Variants in C5orf22 observed in about 807,000 individuals in gnomAD.
C5orf22 encodes the protein chromosome 5 open reading frame 22.
In C5orf22, 36 loss-of-function variants were observed where a neutral mutation model predicts 48.7. That is an observed-to-expected ratio of 0.74 (90% CI 0.57 to 0.98). The LOEUF (loss-of-function observed/expected upper bound fraction) is 0.98. C5orf22 is among the 50% of genes least tolerant of loss of function. The pLI, the probability that C5orf22 is intolerant of heterozygous loss-of-function variation, is 0.00. For synonymous variants in C5orf22, 141 were observed against 180.8 expected (o/e 0.78, Z 1.76); for missense variants, 486 against 521.9 (o/e 0.93, Z 0.67).
intron 6 of C5orf22, among the ~76,000 whole-genome samples, chr5:31,542,835 C>T (rs967252487): frequency 7.9e-5 from 12 of 152,158 alleles, no homozygotes; most frequent in Non-Finnish European, 1.5e-4. Flanking sequence ...ACTAATCTCC[C>T]ACGAACTGTC....
intron 8 of C5orf22, among the ~76,000 whole-genome samples, chr5:31,552,468 T>C (rs1428901677): frequency 6.6e-6 from 1 of 152,138 alleles, no homozygotes; most frequent in Non-Finnish European, 1.5e-5. Flanking sequence ...AGGCAAACAA[T>C]GGTCTAGCAA....
intron 1 of C5orf22, among the ~76,000 whole-genome samples, chr5:31,534,061 G>C (rs1385464683): frequency 6.6e-6 from 1 of 152,340 alleles, no homozygotes; most frequent in East Asian, 1.9e-4. Flanking sequence ...AAGGCCGCTG[G>C]AGATGCAGGT....
chr5:31,534,535 C>T, intron 2 of C5orf22, 118 bp downstream of exon 2: 1 of 868,186 alleles, frequency 1.2e-6, no homozygotes. Flanking sequence ...TTTTGTTTGT[C>T]TTTTTGTCTT....
In C5orf22 at chr5:31,547,001, G is replaced by A. The variant is rs549621256; in HGVS notation, c.1059+1289G>A. On this transcript the variant is annotated intron_variant, in intron 7 of 8. Transcript: ENST00000325366. The stretch of plus-strand genomic sequence containing the variant: ...AAGTCCACAGTCCAACATCTCATCT[G>A]AGACAAGGCAAGTCCCTTCCACCTA... Among the ~76,000 whole-genome samples, 3 of 152,316 alleles carry A rather than the reference G, an allele frequency of 2.0e-5. No homozygotes were observed. In the East Asian group the frequency reaches 5.8e-4, roughly 29 times the overall value.
chr5:31,542,414 T>G (rs2150075790), intron 6 of C5orf22, among the ~76,000 whole-genome samples: 1 of 141,414 alleles, frequency 7.1e-6, no homozygotes, highest in East Asian at 2.1e-4. Flanking sequence ...GAGCCGAGAT[T>G]GCATCACTGC....
Position 31,541,005 on chromosome 5 carries a change from A to T in C5orf22, c.864A>T (p.Leu288=). Residue 288 remains leucine, a synonymous_variant, in exon 5 of 9, where the codon CTA becomes CTT. Coordinates refer to ENST00000325366, the MANE Select transcript of C5orf22 (RefSeq NM_018356.3). ...AATTTAAGAAACCTGGCACCAACCTAACAGAGGTATCCTCCATTTGTTTCT... is the reference window on the plus strand; with the variant it reads ...AATTTAAGAAACCTGGCACCAACCTTACAGAGGTATCCTCCATTTGTTTCT... ...LYQFKKPGTN[L]TEEDLVDIVD... is the part of the protein sequence containing the mutation. 1 of 1,608,882 alleles carries T rather than the reference A, an allele frequency of 6.2e-7. No individual in the cohort carries two copies. Among genetic ancestry groups the T allele is most frequent in the Non-Finnish European group, 8.5e-7 (1 of 1,175,666 alleles).
chr5:31,538,326 C>T lies in C5orf22; in HGVS notation c.444C>T (p.Asn148=), dbSNP rs763836626. 1.2e-6 allele frequency: 2 copies of T among 1,614,018 alleles called. No individual in the cohort carries two copies. The highest frequency in any genetic ancestry group is 1.3e-5 in the African/African-American group (1 of 75,010). ...GLYVPEDQLE[N]QKPLQLDVIM... The stretch of plus-strand genomic sequence containing the variant: ...ATGTACCTGAAGACCAGCTAGAGAA[C>T]CAAAAACCTTTACAATTGGATGTAA... Residue 148 remains asparagine, a synonymous_variant, in exon 4 of 9, where the codon AAC becomes AAT. Transcript: ENST00000325366.
intron 3 of C5orf22, among the ~76,000 whole-genome samples, chr5:31,536,194 G>A (rs1037321701): frequency 1.3e-5 from 2 of 152,190 alleles, no homozygotes; most frequent in African/African-American, 2.4e-5. Context: ...TATACATTCA[G>A]TAGTACATTT....
chr5:31,532,538 G>A (rs1257402185), intron 1 of C5orf22, 65 bp downstream of exon 1: 18 of 1,365,882 alleles, frequency 1.3e-5, no homozygotes, highest in Non-Finnish European at 1.5e-5. Flanking sequence ...AGAGGGCCAA[G>A]CAGAGGGCGC....
At chr5:31,539,782 C>G (rs1045771134) in intron 4 of C5orf22, among the ~76,000 whole-genome samples, 3 of 151,416 alleles carry the variant, frequency 2.0e-5, no homozygotes, top group African/African-American at 7.3e-5. Flanking sequence ...GTGGCTCATG[C>G]GTATAATCCC....
chr5:31,546,637 G>A (rs1318292482), intron 7 of C5orf22, among the ~76,000 whole-genome samples: 1 of 152,196 alleles, frequency 6.6e-6, no homozygotes, highest in East Asian at 1.9e-4. Flanking sequence ...CATGGCGGAA[G>A]GTGAAAGGCA....
rs550040238 is a variant in C5orf22 at position 31,550,805 on chromosome 5, G to A, written c.1060-488G>A. ...TCCAACTCCCGACCTCAGGTGATCC[G>A]CCTGTCTCAGCCTCCCAAAGTGCTG... On this transcript the variant is annotated intron_variant, in intron 7 of 8. Coordinates refer to ENST00000325366, the MANE Select transcript of C5orf22 (RefSeq NM_018356.3). Among the ~76,000 whole-genome samples the A allele has an allele frequency of 4.6e-5, 7 of 152,190 alleles. No individual in the cohort carries two copies. In the East Asian group the frequency reaches 7.7e-4, roughly 17 times the overall value.
At chr5:31,541,485 T>G (rs978597686) in intron 6 of C5orf22, 83 bp downstream of exon 6, 1 of 1,487,300 alleles carries the variant, frequency 6.7e-7, no homozygotes, top group Non-Finnish European at 9.2e-7. Context: ...GATACATTGC[T>G]TTTAAAAAAG....
Position 31,551,382 on chromosome 5 carries a change from G to T in C5orf22, c.1149G>T (p.Val383=). The T allele has an allele frequency of 6.2e-7, 1 of 1,613,300 alleles. No homozygotes were observed. Among genetic ancestry groups the T allele is most frequent in the South Asian group, 1.1e-5 (1 of 90,936 alleles). The change falls in exon 8 of 9, where the codon GTG becomes GTT. Residue 383 remains valine, a synonymous_variant. Transcript: ENST00000325366. ...AAATAGAGTGTCTTATTCAATCTGT[G>T]CATTATTTGCTGAAAAATTTACCAA... The part of the protein sequence containing the change: ...EQEIECLIQS[V]HYLLKNLPNP...
In C5orf22 at chr5:31,546,207, T is replaced by C. The variant is rs1465987418; in HGVS notation, c.1059+495T>C. 3.9e-5 allele frequency among the ~76,000 whole-genome samples: 6 copies of C among 152,244 alleles called. No homozygotes were observed. In the East Asian group the frequency reaches 1.2e-3, roughly 29 times the overall value. ...GGTATCTGAATGCTATGGCCAAAGA[T>C]ACTTTTAGTCATAATTTATTTGTAT... On this transcript the variant is annotated intron_variant, in intron 7 of 8. Transcript: ENST00000325366.
At chr5:31,547,606 A>G (rs907763139) in intron 7 of C5orf22, among the ~76,000 whole-genome samples, 21 of 152,166 alleles carry the variant, frequency 1.4e-4, no homozygotes, top group Non-Finnish European at 1.0e-4. Flanking sequence ...ACTTCTGTGC[A>G]CTCACAGGCT....
At position 31,540,956 on chromosome 5, in the gene C5orf22, A is replaced by G. The variant is rs1322442290; in HGVS notation, c.815A>G (p.Tyr272Cys). Reference protein sequence around the residue: ...PFKEMFTQEEYKILQELYQFK... With the variant: ...PFKEMFTQEECKILQELYQFK... ...TTTTGTTTTGTTTTCCAGGAAGAGTACAAAATCTTACAAGAGCTGTACCAA... is the reference window on the plus strand; with the variant it reads ...TTTTGTTTTGTTTTCCAGGAAGAGTGCAAAATCTTACAAGAGCTGTACCAA... Residue 272 changes from tyrosine (Y) to cysteine (C), a missense_variant, in exon 5 of 9, where the codon TAC becomes TGC. Around this residue, in one of 3 missense-constraint regions of C5orf22, gnomAD observed 408 missense variants for 444.0 expected, o/e 0.92. Coordinates refer to ENST00000325366, the MANE Select transcript of C5orf22 (RefSeq NM_018356.3). The G allele has an allele frequency of 1.9e-6, 3 of 1,610,250 alleles. No individual in the cohort carries two copies. The African/African-American group carries it at 4.0e-5, about 22-fold the overall frequency.
chr5:31,535,251 G>A (rs765733871), intron 2 of C5orf22, among the ~76,000 whole-genome samples: 1 of 152,172 alleles, frequency 6.6e-6, no homozygotes, highest in African/African-American at 2.4e-5. Flanking sequence ...TCACCTCAAA[G>A]TTCAATCACA....
chr5:31,545,510 C>A lies in C5orf22; in HGVS notation c.993-136C>A, dbSNP rs991608858. 5.9e-6 allele frequency: 4 copies of A among 678,934 alleles called. No homozygotes were observed. In the Admixed American group the frequency reaches 8.3e-5, roughly 14 times the overall value. The allele number at this position is 678,934 out of a possible 1,614,324, so 42.1% of individuals were successfully genotyped here. ...TTCTTAATATTTTAAGATATTTGAA[C>A]AGCTTTATCTTTTATTTCCCAAGTG... On this transcript the variant is annotated intron_variant, in intron 6 of 8. Coordinates refer to ENST00000325366, the MANE Select transcript of C5orf22 (RefSeq NM_018356.3).
Sources: gnomAD v4.1 joint callset for allele counts (sites outside exome capture counted in the v4.1 genomes callset) on GRCh38, gnomAD v4.1.1 for gene constraint, gnomAD v4.1.1 regional missense constraint, MANE v1.5 for transcripts, NCBI Gene and HGNC (gene_info 2026-07-23, HGNC 2026-07-21) for gene names.